The following SASH1 variants were observed in gnomAD, a reference collection of about 807,000 sequenced individuals.
The protein encoded by SASH1 is SAM and SH3 domain containing 1, also known as SAM and SH3 domain-containing protein 1.
Under a neutral mutation model 125.2 loss-of-function variants are expected in SASH1, and 44 were observed. The observed-to-expected ratio is 0.35, with a 90% CI of 0.28 to 0.45. The LOEUF (loss-of-function observed/expected upper bound fraction) is 0.45, where lower values mean the gene tolerates loss of function less well. Among genes scored for constraint, SASH1 ranks in the 20% least tolerant of loss-of-function variants. The probability of loss-of-function intolerance (pLI) is 1.00; values close to 1 mark genes in which losing one functional copy is unlikely to be tolerated. For missense variants in SASH1, 1,426 were observed against 1,614.5 expected (o/e 0.88, Z 2.00); for synonymous variants, 639 against 649.1 (o/e 0.98, Z 0.24).
At chr6:148,375,384 C>CT (rs5880777) in intron 1 of SASH1, among the ~76,000 whole-genome samples, 4,974 of 143,968 alleles carry the variant, frequency 0.035, 204 homozygotes, top group East Asian at 0.19. Flanking sequence ...ACATAGTTAA[C>CT]TTTTTTTTTT....
At chr6:148,402,219 C>T (rs1784196610) in intron 2 of SASH1, among the ~76,000 whole-genome samples, 1 of 152,160 alleles carries the variant, frequency 6.6e-6, no homozygotes. Context: ...TGCCTTGCTA[C>T]CTAAAGTACT....
upstream of SASH1, among the ~76,000 whole-genome samples, chr6:148,341,317 G>GTTT (rs1179914037): frequency 1.7e-5 from 2 of 120,220 alleles, no homozygotes; most frequent in African/African-American, 6.3e-5. Context: ...GCTATGTTTT[G>GTTT]TTTTTTTTTT....
chr6:148,424,294 C>T (rs113147249), intron 2 of SASH1, among the ~76,000 whole-genome samples: 2 of 150,764 alleles, frequency 1.3e-5, no homozygotes, highest in Non-Finnish European at 1.5e-5. Flanking sequence ...GGCTGGAGTG[C>T]GGTGGCGCAA....
rs542975241 is a variant in SASH1, at chr6:148,329,001, A to C, written n.74+56624A>C. On this transcript the variant is annotated intron_variant and non_coding_transcript_variant, in intron 1 of 3. Transcript: ENST00000367469. The stretch of plus-strand genomic sequence containing the variant: ...CAGGAAATTGACATTTCAGCTTAGA[A>C]GACTTAGGCCAGATGTTAGTTCACT... Among the ~76,000 whole-genome samples the C allele has an allele frequency of 3.3e-5, 5 of 152,274 alleles. No individual in the cohort carries two copies. In the South Asian group the frequency reaches 1.0e-3, roughly 32 times the overall value.
At position 148,519,926 on chromosome 6, in the gene SASH1, C is replaced by A; in HGVS notation, c.1209+33C>A. ...CGGATGGTGTTTGCTTCTATGACAA[C>A]CACCGTCGCAGGCACCACCTTCTGG... On this transcript the variant is annotated intron_variant, in intron 10 of 19. Transcript: ENST00000367467. The surrounding 1 kb of genome is among the most constrained non-coding windows in gnomAD (Gnocchi z 4.8). 2 of 1,450,530 alleles carry A rather than the reference C, an allele frequency of 1.4e-6. No homozygotes were observed. The highest frequency in any genetic ancestry group is 9.3e-7 in the Non-Finnish European group (1 of 1,077,862). 89.9% of individuals were successfully genotyped at this position (1,450,530 alleles called of 1,614,324 possible). A position where few individuals can be genotyped will look rare whatever the true frequency, so the allele number is the denominator to read the frequency against.
At chr6:148,280,747 A>G (rs922023390) in intron 1 of SASH1, among the ~76,000 whole-genome samples, 2 of 152,198 alleles carry the variant, frequency 1.3e-5, no homozygotes, top group Non-Finnish European at 2.9e-5. Context: ...GGTCAAGGCC[A>G]TGGTGAGCCA....
intron 1 of SASH1, among the ~76,000 whole-genome samples, chr6:148,298,012 A>T (rs199703449): frequency 6.7e-4 from 75 of 112,078 alleles, no homozygotes; most frequent in African/African-American, 2.0e-3. Context: ...TATTATATAT[A>T]TATTTTTTTT....
chr6:148,288,974 G>C (rs1026650867), intron 1 of SASH1, among the ~76,000 whole-genome samples: 5 of 152,052 alleles, frequency 3.3e-5, no homozygotes, highest in Admixed American at 6.6e-5. Flanking sequence ...TTTAGGGCAT[G>C]CCTGTGCCCT....
the SASH1 span, among the ~76,000 whole-genome samples, chr6:148,228,223 T>C: frequency 5.3e-5 from 8 of 152,242 alleles, no homozygotes. Context: ...TATATAGATA[T>C]GTATGATATC....
intron 10 of SASH1, among the ~76,000 whole-genome samples, chr6:148,523,663 G>A (rs1013241527): frequency 7.2e-5 from 11 of 152,110 alleles, no homozygotes; most frequent in African/African-American, 2.7e-4. Context: ...AGACCCCAAT[G>A]GCCGTCTCTC....
At chr6:148,401,105 C>T (rs1204960955) in intron 2 of SASH1, among the ~76,000 whole-genome samples, 1 of 151,792 alleles carries the variant, frequency 6.6e-6, no homozygotes, top group Non-Finnish European at 1.5e-5. Flanking sequence ...AAAACAAAAA[C>T]GAGCTGGGAA....
intron 17 of SASH1, among the ~76,000 whole-genome samples, chr6:148,542,886 G>A (rs549658657): frequency 1.3e-4 from 20 of 151,604 alleles, no homozygotes; most frequent in South Asian, 6.2e-4. Context: ...GTGTGCGCGC[G>A]CACATGTAAG....
intron 4 of SASH1, chr6:148,440,612 G>A (rs1038332438): frequency 3.5e-6 from 2 of 574,210 alleles, no homozygotes; most frequent in East Asian, 2.8e-5. Context: ...TGAGGATTTT[G>A]TGAAGAGTTA....
intron 2 of SASH1, among the ~76,000 whole-genome samples, chr6:148,419,202 G>A (rs571555096): frequency 7.4e-4 from 113 of 152,288 alleles, no homozygotes; most frequent in African/African-American, 2.6e-3. Context: ...AGTCTTCATA[G>A]CAACTTTCAA....
At chr6:148,259,739 A>G in the SASH1 span, among the ~76,000 whole-genome samples, 2 of 152,232 alleles carry the variant, frequency 1.3e-5, no homozygotes, top group East Asian at 1.9e-4. Flanking sequence ...GCTTTCATAG[A>G]GAAGACTTTT....
At chr6:148,358,599 G>T (rs1782047196) in intron 1 of SASH1, among the ~76,000 whole-genome samples, 2 of 152,076 alleles carry the variant, frequency 1.3e-5, no homozygotes, top group Non-Finnish European at 2.9e-5. Context: ...GTACAACTAG[G>T]GATATGGCCA....
chr6:148,214,017 C>T, the SASH1 span, among the ~76,000 whole-genome samples: 1 of 152,132 alleles, frequency 6.6e-6, no homozygotes, highest in South Asian at 2.1e-4. Context: ...ATTGTGTTCG[C>T]CATTAGCCAA....
chr6:148,238,076 G>A, the SASH1 span, among the ~76,000 whole-genome samples: 1 of 152,012 alleles, frequency 6.6e-6, no homozygotes, highest in African/African-American at 2.4e-5. Flanking sequence ...TGACCTTACG[G>A]CTTGTTACTT....
chr6:148,486,398 G>A lies in SASH1; in HGVS notation c.628-1216G>A, dbSNP rs1023233347. 2.6e-5 allele frequency among the ~76,000 whole-genome samples: 4 copies of A among 152,178 alleles called. No individual in the cohort carries two copies. In the South Asian group the frequency reaches 8.3e-4, roughly 32 times the overall value. On this transcript the variant is annotated intron_variant, in intron 7 of 19. Coordinates refer to ENST00000367467, the MANE Select transcript of SASH1 (RefSeq NM_015278.5). ...GGCCTCCCAAGGTTCTGGGATTACA[G>A]GTGTGAGCTACTGCGCCTGGCCTGC...
Sources: allele counts gnomAD v4.1 joint callset (sites outside exome capture counted in the v4.1 genomes callset), GRCh38; gene constraint gnomAD v4.1.1; non-coding constraint Gnocchi (gnomAD v3.1); transcripts MANE v1.5; gene names NCBI Gene and HGNC (gene_info 2026-07-23, HGNC 2026-07-21).